AMBRA1: variants seen among roughly 807,000 people sequenced by gnomAD.
AMBRA1 encodes the protein autophagy and beclin 1 regulator 1.
Under a neutral mutation model 125.4 loss-of-function variants are expected in AMBRA1, and 47 were observed. That is an observed-to-expected ratio of 0.37 (90% CI 0.30 to 0.48). The LOEUF (loss-of-function observed/expected upper bound fraction) is 0.48, where lower values mean the gene tolerates loss of function less well. Among genes scored for constraint, AMBRA1 ranks in the 20% least tolerant of loss-of-function variants. AMBRA1 has a pLI of 0.99. For synonymous variants in AMBRA1, 626 were observed against 655.5 expected (o/e 0.95, Z 0.69); for missense variants, 1,331 against 1,693.4 (o/e 0.79, Z 3.76).
At chr11:46,496,193 G>C (rs1343740758) in intron 9 of AMBRA1, among the ~76,000 whole-genome samples, 2 of 152,064 alleles carry the variant, frequency 1.3e-5, no homozygotes, top group East Asian at 1.9e-4. Context: ...GGCCAACGTG[G>C]TGAAACCCTG....
rs1565324615 is a variant in AMBRA1, at chr11:46,583,677, A to AAAAAAAAAAAAAAAAAAAAAAAC, written c.-121+10150_-121+10151insGTTTTTTTTTTTTTTTTTTTTTT. On this transcript the variant is annotated intron_variant, in intron 1 of 17. Transcript: ENST00000683756. ...CAAAAAAAAAAAAAAAAAAAAAAAA[A>AAAAAAAAAAAAAAAAAAAAAAAC]AACAACAAAACAACCCCATCAAAAA... Among the ~76,000 whole-genome samples the AAAAAAAAAAAAAAAAAAAAAAAC allele has an allele frequency of 5.6e-5, 8 of 143,826 alleles. 1 individual carries two copies. Among genetic ancestry groups the AAAAAAAAAAAAAAAAAAAAAAAC allele is most frequent in the African/African-American group, 2.1e-4 (8 of 37,506 alleles). 94.4% of individuals were successfully genotyped at this position (143,826 alleles called of 152,430 possible).
intron 12 of AMBRA1, among the ~76,000 whole-genome samples, chr11:46,435,254 T>G (rs1014187602): frequency 6.6e-6 from 1 of 152,176 alleles, no homozygotes; most frequent in Non-Finnish European, 1.5e-5. Context: ...AACTATAGGA[T>G]AGTCAACACC....
chr11:46,425,353 A>AGTGTGTGT (rs1947076467), intron 14 of AMBRA1, among the ~76,000 whole-genome samples: 1 of 121,264 alleles, frequency 8.2e-6, no homozygotes, highest in African/African-American at 3.2e-5. Context: ...TGTGTGTGTA[A>AGTGTGTGT]GAAGTAGTAT....
intron 11 of AMBRA1, among the ~76,000 whole-genome samples, chr11:46,476,389 T>C (rs541375042): frequency 1.9e-4 from 29 of 152,314 alleles, no homozygotes; most frequent in African/African-American, 7.0e-4. Flanking sequence ...GGTGTATTTT[T>C]AGGGGTGGCT....
chr11:46,410,486 G>A (rs1200726622), intron 15 of AMBRA1, 118 bp from the exon 16 acceptor site: 2 of 850,382 alleles, frequency 2.4e-6, no homozygotes, highest in Non-Finnish European at 3.9e-6. Flanking sequence ...CTCTCTCCTG[G>A]GGCTGAGCTG....
chr11:46,462,648 CT>C (rs1949145852), intron 11 of AMBRA1, among the ~76,000 whole-genome samples: 1 of 152,112 alleles, frequency 6.6e-6, no homozygotes, highest in Non-Finnish European at 1.5e-5. Flanking sequence ...TCTGCTCATA[CT>C]GCCCCCACTA....
At chr11:46,426,603 C>A (rs970784234) in intron 14 of AMBRA1, among the ~76,000 whole-genome samples, 1 of 152,138 alleles carries the variant, frequency 6.6e-6, no homozygotes, top group Admixed American at 6.5e-5. Context: ...TAATTTTTAT[C>A]TTGCCCCCCT....
intron 17 of AMBRA1, among the ~76,000 whole-genome samples, chr11:46,399,669 G>A (rs186841544): frequency 6.6e-6 from 1 of 152,306 alleles, no homozygotes; most frequent in African/African-American, 2.4e-5. Flanking sequence ...CTGGTCAGAA[G>A]CTGAGAGTTT....
intron 14 of AMBRA1, among the ~76,000 whole-genome samples, chr11:46,432,162 C>A (rs1947486663): frequency 6.6e-6 from 1 of 152,140 alleles, no homozygotes; most frequent in South Asian, 2.1e-4. Flanking sequence ...TCAAGGAGCT[C>A]ACAGCCCAGG....
chr11:46,418,013 G>C lies in AMBRA1; in HGVS notation c.3016C>G (p.Arg1006Gly). 3 of 1,606,442 alleles carry C rather than the reference G, an allele frequency of 1.9e-6. No individual in the cohort carries two copies. Among genetic ancestry groups the C allele is most frequent in the Non-Finnish European group, 2.6e-6 (3 of 1,174,802 alleles). ...GCAGAGTTGATACTGACATGTCTCC[G>C]CTGGTCGGCAGGCATGGGATAAAGG... is the stretch of plus-strand genomic sequence containing the variant. ...NVLYPMPADQ[R>G]RHVSINSARW... Residue 1006 changes from arginine to glycine, a missense_variant, in exon 15 of 18, where the codon CGG (arginine) becomes GGG (glycine). Transcript: ENST00000683756.
intron 1 of AMBRA1, among the ~76,000 whole-genome samples, chr11:46,584,397 T>G: frequency 7.6e-6 from 1 of 132,198 alleles, no homozygotes; most frequent in Non-Finnish European, 1.6e-5. Flanking sequence ...GGGGGAGGGA[T>G]AGCATTAGGA....
At chr11:46,515,471 T>A (rs918196643) in intron 7 of AMBRA1, among the ~76,000 whole-genome samples, 4 of 147,040 alleles carry the variant, frequency 2.7e-5, no homozygotes, top group Non-Finnish European at 6.0e-5. Flanking sequence ...AGACTGCATC[T>A]CAAAACAAAC....
chr11:46,476,179 A>G (rs1252069619), intron 11 of AMBRA1, among the ~76,000 whole-genome samples: 1 of 152,214 alleles, frequency 6.6e-6, no homozygotes, highest in Non-Finnish European at 1.5e-5. Context: ...TGAGAGGGGA[A>G]ATCAGCCAGT....
intron 14 of AMBRA1, 148 bp downstream of exon 14, chr11:46,433,326 T>C: frequency 2.1e-6 from 2 of 948,928 alleles, no homozygotes; most frequent in South Asian, 2.5e-5. Flanking sequence ...CTGCTGGTCA[T>C]GGATGGGCTT....
chr11:46,585,695 A>AATAT (rs1555017409), intron 1 of AMBRA1, among the ~76,000 whole-genome samples: 635 of 22,888 alleles, frequency 0.028, 66 homozygotes, highest in East Asian at 0.044. Flanking sequence ...AAAAAAAAAA[A>AATAT]ATATATATAT....
At chr11:46,447,609 A>T (rs951198819) in intron 11 of AMBRA1, among the ~76,000 whole-genome samples, 3 of 152,072 alleles carry the variant, frequency 2.0e-5, no homozygotes, top group African/African-American at 7.2e-5. Context: ...GCTACCCAGG[A>T]GACTGAGGTG....
At position 46,397,676 on chromosome 11, in the gene AMBRA1, C is replaced by T. The variant is rs117438791; in HGVS notation, c.3671G>A (p.Arg1224Gln). ...GGAAGCTGTCCGGGGGCTTAGGCCT[C>T]GCTCTGCCAGTTGCCCGGCCTCTGG... ...LLPEAGQLAE[R>Q]GLSPRTASWD... Residue 1224 changes from arginine (R) to glutamine (Q), a missense_variant, in exon 18 of 18, where the codon CGA (arginine) becomes CAA (glutamine). Around this residue, in one of 4 missense-constraint regions of AMBRA1, gnomAD observed 144 missense variants for 133.9 expected, o/e 1.08. Transcript: ENST00000683756. 1.0e-4 allele frequency: 162 copies of T among 1,613,036 alleles called. No homozygotes were observed. The highest frequency in any genetic ancestry group is 1.3e-4 in the Non-Finnish European group (149 of 1,179,458).
In AMBRA1 at chr11:46,543,362, C is replaced by T; in HGVS notation, c.655G>A (p.Glu219Lys). ...DEPEIPIDGT[E>K]LSHYRQRALL... ...GCACGCTGACGGTAGTGGGATAATT[C>T]TGTTCCATCTATGGGGATCTCTGGT... is the stretch of plus-strand genomic sequence containing the variant. The change falls in exon 7 of 18, where the codon GAA becomes AAA. Residue 219 changes from glutamate to lysine, a missense_variant. Glu to Lys is a moderately conservative substitution (Grantham distance 56, BLOSUM62 1). Transcript: ENST00000683756. 1 of 1,613,974 alleles carries T rather than the reference C, an allele frequency of 6.2e-7. No homozygotes were observed. Among genetic ancestry groups the T allele is most frequent in the Non-Finnish European group, 8.5e-7 (1 of 1,179,954 alleles).
intron 7 of AMBRA1, among the ~76,000 whole-genome samples, chr11:46,526,078 G>A (rs754066286): frequency 6.6e-6 from 1 of 151,988 alleles, no homozygotes; most frequent in Non-Finnish European, 1.5e-5. Context: ...GGTGGAATAT[G>A]CCTGTAATCC....
Sources: gnomAD v4.1 joint callset for allele counts (sites outside exome capture counted in the v4.1 genomes callset) on GRCh38, gnomAD v4.1.1 for gene constraint, gnomAD v4.1.1 regional missense constraint, MANE v1.5 for transcripts, NCBI Gene and HGNC (gene_info 2026-07-23, HGNC 2026-07-21) for gene names.